RBM19: variants seen among roughly 807,000 people sequenced by gnomAD.
RBM19 encodes the protein RNA binding motif protein 19, also known as probable RNA-binding protein 19.
A neutral mutation model predicts 116.8 loss-of-function variants in RBM19; 94 were observed. The ratio of observed to expected loss-of-function variants is 0.80; its 90% CI spans 0.68 to 0.95. The LOEUF is 0.95. Among genes scored for constraint, RBM19 ranks in the 40% least tolerant of loss-of-function variants. The pLI is 0.00. For synonymous variants in RBM19, 475 were observed against 494.1 expected (o/e 0.96, Z 0.51); for missense variants, 1,161 against 1,220.7 (o/e 0.95, Z 0.73).
intron 21 of RBM19, among the ~76,000 whole-genome samples, chr12:113,896,807 C>A (rs1008761600): frequency 6.6e-6 from 1 of 152,174 alleles, no homozygotes; most frequent in African/African-American, 2.4e-5. Context: ...AACAAAAGAA[C>A]CTCTCCTATT....
chr12:113,861,000 C>T (rs1312134579), intron 21 of RBM19, among the ~76,000 whole-genome samples: 3 of 152,234 alleles, frequency 2.0e-5, no homozygotes, highest in African/African-American at 7.2e-5. Context: ...ATGAAATACA[C>T]ATAGCACAAA....
chr12:113,882,574 A>G (rs1488126335), intron 21 of RBM19, among the ~76,000 whole-genome samples: 3 of 152,282 alleles, frequency 2.0e-5, no homozygotes, highest in Non-Finnish European at 4.4e-5. Context: ...GAAAAGAGCC[A>G]GAGAAGGCCC....
intron 23 of RBM19, among the ~76,000 whole-genome samples, chr12:113,832,810 T>A (rs1875543237): frequency 6.6e-6 from 1 of 152,218 alleles, no homozygotes; most frequent in African/African-American, 2.4e-5. Flanking sequence ...TTGCTTGAAC[T>A]TTCCTGACTG....
In RBM19 at chr12:113,825,384, C is replaced by T. The variant is rs1371387248; in HGVS notation, c.2786-2063G>A. On this transcript the variant is annotated intron_variant, in intron 23 of 23. Transcript: ENST00000261741. The surrounding 1 kb of genome is among the most constrained non-coding windows in gnomAD (Gnocchi z 5.7). The stretch of plus-strand genomic sequence containing the variant: ...CGGCCCGGGGCTCGGACTCCGGCTT[C>T]CTCTCCTTCCTTGTGACCTCCTAGA... Among the ~76,000 whole-genome samples, 5 of 152,200 alleles carry T rather than the reference C, an allele frequency of 3.3e-5. No individual in the cohort carries two copies. The highest frequency in any genetic ancestry group is 3.3e-4 in the Admixed American group (5 of 15,286).
At chr12:113,823,614 T>G (rs536133034) in intron 23 of RBM19, among the ~76,000 whole-genome samples, 2 of 152,036 alleles carry the variant, frequency 1.3e-5, no homozygotes, top group African/African-American at 4.8e-5. Context: ...AGTCTCAGCA[T>G]CACCATGGCG....
rs147559888 is a variant in RBM19, at chr12:113,898,383, A to T, written c.2558+16586T>A. ...CAAGTGACATCCTACAGACACAGACATGATGCCTTTGGACACTAGAGTGTT... is the reference window on the plus strand; with the variant it reads ...CAAGTGACATCCTACAGACACAGACTTGATGCCTTTGGACACTAGAGTGTT... On this transcript the variant is annotated intron_variant, in intron 21 of 23. Transcript: ENST00000261741. This position sits in a 1 kb window ranked among gnomAD's most constrained non-coding sequence, Gnocchi z 4.3. Among the ~76,000 whole-genome samples the T allele has an allele frequency of 5.6e-4, 85 of 152,340 alleles. No individual in the cohort carries two copies. Among genetic ancestry groups the T allele is most frequent in the African/African-American group, 1.9e-3 (78 of 41,570 alleles).
intron 3 of RBM19, 29 bp downstream of exon 3, chr12:113,960,030 G>T: frequency 6.2e-7 from 1 of 1,614,158 alleles, no homozygotes; most frequent in Admixed American, 1.7e-5. Flanking sequence ...TGGCAGTGGG[G>T]ACAGAGGCTA....
intron 21 of RBM19, among the ~76,000 whole-genome samples, chr12:113,886,113 C>T (rs1019609483): frequency 7.2e-5 from 11 of 152,048 alleles, no homozygotes; most frequent in East Asian, 5.8e-4. Flanking sequence ...CCTTGTGGTC[C>T]GCCTGCCTCA....
rs774675836 is a variant in RBM19 at position 113,940,096 on chromosome 12, G to A, written c.1802C>T (p.Ala601Val). ...ATGGCCGAAGGTCTCCTGCAGCTGGGCCGCCAGGGTGCCTGCCGGGAGGTT... is the reference window on the plus strand; with the variant it reads ...ATGGCCGAAGGTCTCCTGCAGCTGGACCGCCAGGGTGCCTGCCGGGAGGTT... Reference protein sequence around the residue: ...VKNLPAGTLAAQLQETFGHFG... With the variant: ...VKNLPAGTLAVQLQETFGHFG... Residue 601 changes from alanine (A) to valine (V), a missense_variant, in exon 15 of 24, where the codon GCC (alanine) becomes GTC (valine). By Grantham distance (64) the Ala-to-Val change is moderately conservative (BLOSUM62 0). Transcript: ENST00000261741. The A allele has an allele frequency of 5.0e-6, 8 of 1,614,096 alleles. No individual in the cohort carries two copies. The highest frequency in any genetic ancestry group is 5.9e-6 in the Non-Finnish European group (7 of 1,179,986).
chr12:113,847,329 T>C (rs890413), intron 22 of RBM19, among the ~76,000 whole-genome samples: 109,388 of 152,090 alleles, frequency 0.72, 39,966 homozygotes, highest in East Asian at 0.98. Context: ...GTGCAGAAAA[T>C]TTTTTCTTTC....
chr12:113,871,842 A>G (rs1221619699), intron 21 of RBM19, among the ~76,000 whole-genome samples: 2 of 152,128 alleles, frequency 1.3e-5, no homozygotes, highest in Non-Finnish European at 2.9e-5. Flanking sequence ...CCCGGGAGGC[A>G]GCGGCTGGAG....
intron 21 of RBM19, among the ~76,000 whole-genome samples, chr12:113,867,920 C>G (rs1878945623): frequency 6.6e-6 from 1 of 151,672 alleles, no homozygotes; most frequent in Non-Finnish European, 1.5e-5. Flanking sequence ...GAGTGAGACT[C>G]TTGTCTGAAT....
At chr12:113,858,938 C>T (rs1476001087) in intron 21 of RBM19, 42 bp from the exon 22 acceptor site, 1 of 1,586,776 alleles carries the variant, frequency 6.3e-7, no homozygotes, top group East Asian at 2.2e-5. Context: ...AGAATAGAGG[C>T]CCGCAAGGGA....
At chr12:113,872,144 C>T (rs1435134011) in intron 21 of RBM19, among the ~76,000 whole-genome samples, 1 of 148,036 alleles carries the variant, frequency 6.8e-6, no homozygotes, top group Non-Finnish European at 1.5e-5. Context: ...GGCCGCCCAT[C>T]GTCTGAGATG....
chr12:113,955,982 G>C (rs1004458585), intron 6 of RBM19, among the ~76,000 whole-genome samples: 1 of 152,144 alleles, frequency 6.6e-6, no homozygotes, highest in Non-Finnish European at 1.5e-5. Context: ...CTTAGGCACG[G>C]GGTCAGAAAC....
chr12:113,873,689 T>TAAAAAAAAAAAAAAAAAAAAA (rs146761765), intron 21 of RBM19, among the ~76,000 whole-genome samples: 1 of 127,690 alleles, frequency 7.8e-6, no homozygotes, highest in Non-Finnish European at 1.6e-5. Context: ...AAAAATAAAT[T>TAAAAAAAAAAAAAAAAAAAAA]AAAAAAAAAA....
chr12:113,911,421 A>C (rs1272142288), intron 21 of RBM19, among the ~76,000 whole-genome samples: 2 of 152,110 alleles, frequency 1.3e-5, no homozygotes, highest in Non-Finnish European at 2.9e-5. Flanking sequence ...AACCAGGAAA[A>C]CGCTGCCCAG....
chr12:113,843,138 C>G (rs1169855471), intron 23 of RBM19, among the ~76,000 whole-genome samples: 1 of 152,220 alleles, frequency 6.6e-6, no homozygotes, highest in East Asian at 1.9e-4. Flanking sequence ...TGGAAGGCTC[C>G]TATCTCCATA....
chr12:113,862,844 A>G (rs1211519929), intron 21 of RBM19, among the ~76,000 whole-genome samples: 3 of 152,188 alleles, frequency 2.0e-5, no homozygotes, highest in Non-Finnish European at 4.4e-5. Context: ...GCTTTTAAAC[A>G]CAGCCCTCCT....
Sources: gnomAD v4.1 joint callset for allele counts (sites outside exome capture counted in the v4.1 genomes callset) on GRCh38, gnomAD v4.1.1 for gene constraint, Gnocchi (gnomAD v3.1) non-coding constraint, MANE v1.5 for transcripts, NCBI Gene and HGNC (gene_info 2026-07-23, HGNC 2026-07-21) for gene names.